The following TP63 variants were observed in gnomAD, a reference collection of about 807,000 sequenced individuals.
The protein encoded by TP63 is tumor protein p63.
TP63 carries 17 observed loss-of-function variants against 82.8 expected under a neutral mutation model. That is an observed-to-expected ratio of 0.21 (90% CI 0.14 to 0.31). The LOEUF (loss-of-function observed/expected upper bound fraction) is 0.31. TP63 is among the 10% of genes least tolerant of loss of function. The pLI is 1.00. For missense variants in TP63, 648 were observed against 895.3 expected (o/e 0.72, Z 3.52); for synonymous variants, 330 against 321.7 (o/e 1.03, Z -0.28).
chr3:189,832,228 A>C (rs2108710636), intron 4 of TP63, among the ~76,000 whole-genome samples: 1 of 152,250 alleles, frequency 6.6e-6, no homozygotes, highest in East Asian at 1.9e-4. Context: ...TGGCAAATGG[A>C]AAACCTGAAA....
upstream of TP63, among the ~76,000 whole-genome samples, chr3:189,629,341 G>A (rs190757895): frequency 2.4e-4 from 36 of 152,160 alleles, no homozygotes; most frequent in Admixed American, 6.5e-4. Flanking sequence ...CCATGAACGC[G>A]CTGCTACACT....
the TP63 span, among the ~76,000 whole-genome samples, chr3:189,611,139 T>G: frequency 6.6e-6 from 1 of 152,218 alleles, no homozygotes; most frequent in African/African-American, 2.4e-5. Flanking sequence ...CCAAAGCTCT[T>G]AAGTTTAATT....
At chr3:189,862,697 A>C (rs1316317861) in intron 4 of TP63, among the ~76,000 whole-genome samples, 1 of 152,228 alleles carries the variant, frequency 6.6e-6, no homozygotes, top group African/African-American at 2.4e-5. Flanking sequence ...AATAAAAGGA[A>C]GTTCTTAACA....
chr3:189,749,152 A>C (rs895052196), intron 3 of TP63, among the ~76,000 whole-genome samples: 2 of 142,784 alleles, frequency 1.4e-5, no homozygotes, highest in Admixed American at 7.4e-5. Flanking sequence ...AAGAACAGAC[A>C]AAAAAAAATA....
chr3:189,718,810 A>C (rs530390442), intron 1 of TP63, among the ~76,000 whole-genome samples: 1 of 152,024 alleles, frequency 6.6e-6, no homozygotes, highest in African/African-American at 2.4e-5. Flanking sequence ...CATTTTTGGG[A>C]AAGGTGGAAA....
the TP63 span, among the ~76,000 whole-genome samples, chr3:189,606,566 G>A: frequency 7.0e-6 from 1 of 143,704 alleles, no homozygotes; most frequent in African/African-American, 2.6e-5. Flanking sequence ...TAGGCTGGAG[G>A]GCAGTGGCGC....
intron 10 of TP63, chr3:189,881,559 A>C: frequency 2.0e-6 from 2 of 977,932 alleles, no homozygotes; most frequent in South Asian, 4.7e-5. Flanking sequence ...GAATATTCTC[A>C]TGTAAGTGCT....
intron 4 of TP63, chr3:189,829,863 A>G (rs1515491): frequency 0.4 from 146,709 of 369,934 alleles, 30,672 homozygotes; most frequent in East Asian, 0.54. Flanking sequence ...CCAGACCAAT[A>G]TAACCTTAAT....
At chr3:189,603,058 C>T in the TP63 span, among the ~76,000 whole-genome samples, 2 of 152,070 alleles carry the variant, frequency 1.3e-5, no homozygotes, top group Non-Finnish European at 1.5e-5. Flanking sequence ...AATGAGAGAA[C>T]GTCTAATGCA....
intron 1 of TP63, among the ~76,000 whole-genome samples, chr3:189,720,159 T>A (rs561662791): frequency 1.3e-5 from 2 of 152,274 alleles, no homozygotes; most frequent in East Asian, 3.9e-4. Flanking sequence ...CTCTTTGTTT[T>A]GTAGGTAGAC....
At chr3:189,734,171 C>CTT (rs57302272) in intron 1 of TP63, among the ~76,000 whole-genome samples, 994 of 84,576 alleles carry the variant, frequency 0.012, 11 homozygotes, top group Middle Eastern at 0.06. Context: ...TCCCTCCCTT[C>CTT]TTTTTTTTTT....
intron 1 of TP63, among the ~76,000 whole-genome samples, chr3:189,664,110 G>A (rs1325158532): frequency 1.3e-5 from 2 of 151,928 alleles, no homozygotes; most frequent in Admixed American, 1.3e-4. Context: ...TAAAACTTAG[G>A]TCTGACTTCC....
chr3:189,664,499 T>C (rs796677377), intron 1 of TP63, among the ~76,000 whole-genome samples: 5 of 152,236 alleles, frequency 3.3e-5, no homozygotes, highest in African/African-American at 1.2e-4. Context: ...TGCATAGACA[T>C]CTGAATCCCA....
At chr3:189,625,459 A>AG in the TP63 span, among the ~76,000 whole-genome samples, 1 of 152,092 alleles carries the variant, frequency 6.6e-6, no homozygotes, top group African/African-American at 2.4e-5. Flanking sequence ...ATACTAAAAA[A>AG]AAAAGGACAA....
At chr3:189,680,477 A>G (rs747799551) in intron 1 of TP63, among the ~76,000 whole-genome samples, 15 of 152,186 alleles carry the variant, frequency 9.9e-5, no homozygotes, top group Admixed American at 5.9e-4. Flanking sequence ...CGCCTAAATA[A>G]AGAAACAAAT....
intron 10 of TP63, among the ~76,000 whole-genome samples, chr3:189,875,607 T>TATATATATATATATACAC (rs1553859629): frequency 7.1e-5 from 4 of 56,100 alleles, no homozygotes; most frequent in Admixed American, 1.7e-4. Flanking sequence ...TATATATATA[T>TATATATATATATATACAC]ATATATATAT....
chr3:189,892,724 G>A (rs753343283), intron 13 of TP63, among the ~76,000 whole-genome samples: 3 of 152,052 alleles, frequency 2.0e-5, no homozygotes, highest in Admixed American at 6.6e-5. Flanking sequence ...CTTGGGAGGC[G>A]GAGTTTGCAG....
intron 10 of TP63, among the ~76,000 whole-genome samples, chr3:189,875,670 CTG>C (rs1719131273): frequency 8.0e-6 from 1 of 124,952 alleles, no homozygotes; most frequent in African/African-American, 3.1e-5. Flanking sequence ...GTTTGATAGT[CTG>C]TCTTATAGAT....
chr3:189,820,800 G>A (rs930028432), intron 4 of TP63, among the ~76,000 whole-genome samples: 4 of 152,128 alleles, frequency 2.6e-5, no homozygotes, highest in Non-Finnish European at 4.4e-5. Context: ...CAATCTTCAC[G>A]TCCTTGATTA....
Sources: allele counts gnomAD v4.1 joint callset (sites outside exome capture counted in the v4.1 genomes callset), GRCh38; gene constraint gnomAD v4.1.1; transcripts MANE v1.5; gene names NCBI Gene and HGNC (gene_info 2026-07-23, HGNC 2026-07-21).